Variants in KLHL13 observed in about 807,000 individuals in gnomAD.
KLHL13 encodes the protein kelch like family member 13.
Under a neutral mutation model 37.1 loss-of-function variants are expected in KLHL13, and 10 were observed. The ratio of observed to expected loss-of-function variants is 0.27; its 90% CI spans 0.17 to 0.46. The LOEUF is 0.46. Among genes scored for constraint, KLHL13 ranks in the 20% least tolerant of loss-of-function variants. The pLI is 1.00. For missense variants in KLHL13, 360 were observed against 509.3 expected, an observed-to-expected ratio of 0.71 and a Z score of 2.82; for synonymous variants, 163 against 181.2, an observed-to-expected ratio of 0.90 and a Z score of 0.81.
upstream of KLHL13, among the ~76,000 whole-genome samples, chrX:117,974,427 TTAAA>T (rs1409459011): frequency 3.6e-5 from 4 of 112,243 alleles, no homozygotes; most frequent in African/African-American, 1.3e-4. Flanking sequence ...TGCTTCCAAC[TTAAA>T]TAGTTAGCGT....
chrX:118,045,290 C>T (rs1280737566), intron 1 of KLHL13, among the ~76,000 whole-genome samples: 3 of 105,868 alleles, frequency 2.8e-5, no homozygotes, highest in African/African-American at 3.5e-5. Context: ...AGGAGAATGG[C>T]GTGAACCTGG....
rs141966354 is a variant in KLHL13, at chrX:118,065,727, C to T, written c.-56+50781G>A. Among the ~76,000 whole-genome samples the T allele has an allele frequency of 6.8e-3, 764 of 111,674 alleles. 3 individuals are homozygous for T. Among genetic ancestry groups the T allele is most frequent in the African/African-American group, 0.024 (727 of 30,770 alleles). On this transcript the variant is annotated intron_variant, in intron 1 of 6. Transcript: ENST00000371882. ...CTTCTAGCTTCCTGCCCTTGGCCTC[C>T]CTAGGCTCCATTAGGCTAGAGCAAG...
In KLHL13 at chrX:118,018,325, G is replaced by C. The variant is rs777680228; in HGVS notation, c.-55-72750C>G. Among the ~76,000 whole-genome samples, 10 of 111,626 alleles carry C rather than the reference G, an allele frequency of 9.0e-5. No individual in the cohort carries two copies. In the South Asian group the frequency reaches 3.7e-3, roughly 42 times the overall value. On this transcript the variant is annotated intron_variant, in intron 1 of 6. Coordinates refer to the KLHL13 transcript ENST00000371882. Reference sequence around the variant, plus strand: ...ACCCCCAGAAGAAGGTCAATGAGTAGAAGAACTCATCACTTTTCATCATGC... The same window carrying C: ...ACCCCCAGAAGAAGGTCAATGAGTACAAGAACTCATCACTTTTCATCATGC...
chrX:118,114,474 A>G (rs1831302234), intron 1 of KLHL13, among the ~76,000 whole-genome samples: 1 of 112,383 alleles, frequency 8.9e-6, no homozygotes, highest in South Asian at 3.7e-4. Flanking sequence ...ATTAGCAGCA[A>G]TCTTAGCTTA....
At chrX:117,922,948 T>A (rs1464462085) in intron 2 of KLHL13, among the ~76,000 whole-genome samples, 1 of 111,901 alleles carries the variant, frequency 8.9e-6, no homozygotes, top group East Asian at 2.8e-4. Context: ...AAAGGCCTCT[T>A]TAAAGTGGGT....
chrX:118,043,263 A>G (rs1257595738), intron 1 of KLHL13, among the ~76,000 whole-genome samples: 1 of 111,963 alleles, frequency 8.9e-6, no homozygotes, highest in East Asian at 2.8e-4. Flanking sequence ...CCAGCACAGG[A>G]AAGTACAGGA....
At chrX:118,095,566 AC>A (rs2055195312) in intron 1 of KLHL13, among the ~76,000 whole-genome samples, 1 of 111,459 alleles carries the variant, frequency 9.0e-6, no homozygotes, top group Non-Finnish European at 1.9e-5. Flanking sequence ...AGAACTCTCC[AC>A]CCCAAATCAA....
intron 1 of KLHL13, among the ~76,000 whole-genome samples, chrX:118,064,410 A>T (rs746764170): frequency 2.7e-5 from 3 of 111,564 alleles, no homozygotes; most frequent in South Asian, 7.5e-4. Flanking sequence ...AGCATGCATT[A>T]AGGTTTAGAA....
intron 1 of KLHL13, among the ~76,000 whole-genome samples, chrX:117,996,008 G>A (rs1469068599): frequency 9.0e-6 from 1 of 111,190 alleles, no homozygotes; most frequent in Non-Finnish European, 1.9e-5. Context: ...AATTTGGGGG[G>A]ATATGCACCT....
exon 7 of KLHL13, chrX:117,898,396 A>G (rs747491528): frequency 8.9e-6 from 1 of 112,912 alleles, no homozygotes; most frequent in Non-Finnish European, 1.9e-5. Context: ...TATGTCAAAA[A>G]TACTTTATGA....
In KLHL13 at chrX:117,940,066, T is replaced by C. The variant is rs573079787; in HGVS notation, c.240+5368A>G. On this transcript the variant is annotated intron_variant, in intron 2 of 6. Coordinates refer to ENST00000262820, the Ensembl canonical transcript of KLHL13. ...CCTAGGTTTTCTTCCAGGGTTTTTA[T>C]GGTTTTAGGTCTTACGTTTAAGTCT... Among the ~76,000 whole-genome samples, 59 of 112,346 alleles carry C rather than the reference T, an allele frequency of 5.3e-4. 1 individual carries two copies. The highest frequency in any genetic ancestry group is 1.9e-3 in the African/African-American group (58 of 30,917).
At chrX:118,115,490 CA>C (rs903845930) in intron 1 of KLHL13, among the ~76,000 whole-genome samples, 33 of 111,996 alleles carry the variant, frequency 2.9e-4, no homozygotes, top group African/African-American at 1.1e-3. Context: ...ACTGTGGCTT[CA>C]AAAAAAAGAA....
intron 4 of KLHL13, among the ~76,000 whole-genome samples, chrX:117,918,777 T>C (rs1047517292): frequency 8.9e-6 from 1 of 111,780 alleles, no homozygotes; most frequent in East Asian, 2.8e-4. Flanking sequence ...GAATCAAGAC[T>C]TACATTCTTA....
intron 1 of KLHL13, among the ~76,000 whole-genome samples, chrX:117,956,001 A>G (rs750302121): frequency 9.0e-6 from 1 of 111,365 alleles, no homozygotes; most frequent in African/African-American, 3.3e-5. Flanking sequence ...TTTTCACCTA[A>G]AATGTTTTAG....
At chrX:117,983,435 GA>G (rs368634632) in intron 1 of KLHL13, 77,366 of 588,503 alleles carry the variant, frequency 0.13, 1,704 homozygotes, top group African/African-American at 0.39. Flanking sequence ...AATTCGCACT[GA>G]AAAAAAAAAA....
At chrX:117,944,735 G>A (rs924067341) in intron 2 of KLHL13, among the ~76,000 whole-genome samples, 1 of 111,522 alleles carries the variant, frequency 9.0e-6, no homozygotes, top group African/African-American at 3.3e-5. Flanking sequence ...CTCTAATTCA[G>A]CAATGCCCAC....
At chrX:118,022,838 G>A (rs1207687435) in intron 1 of KLHL13, among the ~76,000 whole-genome samples, 3 of 111,231 alleles carry the variant, frequency 2.7e-5, no homozygotes, top group Non-Finnish European at 3.8e-5. Context: ...TTTTTATGTA[G>A]TCCCAACTTG....
At chrX:117,940,832 G>A (rs2147785071) in intron 2 of KLHL13, among the ~76,000 whole-genome samples, 1 of 111,857 alleles carries the variant, frequency 8.9e-6, no homozygotes, top group African/African-American at 3.2e-5. Context: ...ATCAGCTTAA[G>A]GAGATTTTGG....
chrX:118,016,540 T>C (rs1293024972), intron 1 of KLHL13, among the ~76,000 whole-genome samples: 1 of 111,948 alleles, frequency 8.9e-6, no homozygotes, highest in African/African-American at 3.2e-5. Flanking sequence ...ACTGAAAGCT[T>C]ACTATGTGCA....
Sources: allele counts gnomAD v4.1 joint callset (sites outside exome capture counted in the v4.1 genomes callset), GRCh38; gene constraint gnomAD v4.1.1; transcripts MANE v1.5; gene names NCBI Gene and HGNC (gene_info 2026-07-23, HGNC 2026-07-21).